The following C5orf63 variants were observed in gnomAD, a reference collection of about 807,000 sequenced individuals.
The protein encoded by C5orf63 is chromosome 5 open reading frame 63.
A neutral mutation model predicts 13.3 loss-of-function variants in C5orf63; 18 were observed. The ratio of observed to expected loss-of-function variants is 1.36; its 90% CI spans 0.94 to 2.01. The LOEUF (loss-of-function observed/expected upper bound fraction) is 2.01. C5orf63 is among the 30% of genes most tolerant of loss of function. C5orf63 has a pLI of 0.00. For missense variants in C5orf63, 118 were observed against 127.7 expected (o/e 0.92, Z 0.36); for synonymous variants, 38 against 44.7 (o/e 0.85, Z 0.60).
chr5:127,058,007 C>T (rs1331827814), intron 3 of C5orf63, among the ~76,000 whole-genome samples: 1 of 152,022 alleles, frequency 6.6e-6, no homozygotes. Flanking sequence ...GTTAATGAAT[C>T]AACAATATAT....
downstream of C5orf63, chr5:127,047,848 G>A (rs1324774663): frequency 1.4e-6 from 1 of 703,858 alleles, no homozygotes; most frequent in East Asian, 2.7e-5. Flanking sequence ...AGCCATGTGG[G>A]GGTGGGAAGG....
At chr5:127,064,606 C>T (rs1172907651) in intron 2 of C5orf63, among the ~76,000 whole-genome samples, 1 of 152,212 alleles carries the variant, frequency 6.6e-6, no homozygotes, top group African/African-American at 2.4e-5. Flanking sequence ...CCTCATACCA[C>T]TCCCTCTATG....
chr5:127,055,749 A>G (rs1158761608), intron 3 of C5orf63, among the ~76,000 whole-genome samples: 2 of 152,232 alleles, frequency 1.3e-5, no homozygotes, highest in Non-Finnish European at 2.9e-5. Flanking sequence ...AACCAAGAGC[A>G]TGCTAAATTA....
intron 3 of C5orf63, among the ~76,000 whole-genome samples, chr5:127,056,243 C>T (rs1007630370): frequency 1.3e-5 from 2 of 152,156 alleles, no homozygotes; most frequent in Non-Finnish European, 2.9e-5. Context: ...AGCTATAAGG[C>T]TTTTGCTGGA....
intron 2 of C5orf63, among the ~76,000 whole-genome samples, chr5:127,070,786 T>C (rs1051678923): frequency 3.3e-5 from 5 of 152,150 alleles, no homozygotes; most frequent in Admixed American, 2.6e-4. Flanking sequence ...CTGGAGAAAG[T>C]GTGGAGACAG....
chr5:127,064,163 C>T (rs1754230581), intron 2 of C5orf63, among the ~76,000 whole-genome samples: 2 of 152,024 alleles, frequency 1.3e-5, no homozygotes, highest in South Asian at 4.2e-4. Context: ...CTCGTGGAGC[C>T]AAGAGTGACA....
At chr5:127,063,005 CT>C (rs75165297) in intron 2 of C5orf63, among the ~76,000 whole-genome samples, 14,719 of 150,302 alleles carry the variant, frequency 0.098, 1,113 homozygotes, top group African/African-American at 0.22. Context: ...TTGTCACAGA[CT>C]TAAAAAAAAA....
At chr5:127,055,876 A>G (rs1056861887) in intron 3 of C5orf63, among the ~76,000 whole-genome samples, 3 of 152,166 alleles carry the variant, frequency 2.0e-5, no homozygotes, top group Non-Finnish European at 2.9e-5. Flanking sequence ...AGTCTATGCA[A>G]ATTATACCTG....
chr5:127,062,203 T>A (rs1182755149), intron 2 of C5orf63, among the ~76,000 whole-genome samples: 1 of 152,186 alleles, frequency 6.6e-6, no homozygotes, highest in Non-Finnish European at 1.5e-5. Context: ...CATTCCAGAT[T>A]TGCTGGAGGA....
At chr5:127,043,648 G>A (rs959862246), downstream of C5orf63, 1 of 152,186 alleles carries the variant, frequency 6.6e-6, no homozygotes, top group African/African-American at 2.4e-5. Context: ...ACAGGGTAAG[G>A]TGGAGTGAAA....
At chr5:127,054,345 C>T (rs1297391054) in intron 3 of C5orf63, among the ~76,000 whole-genome samples, 1 of 152,158 alleles carries the variant, frequency 6.6e-6, no homozygotes, top group Non-Finnish European at 1.5e-5. Context: ...AGTTTGCAGT[C>T]CCACCAACAG....
At chr5:127,049,409 C>G (rs753714212), downstream of C5orf63, among the ~76,000 whole-genome samples, 1 of 152,170 alleles carries the variant, frequency 6.6e-6, no homozygotes, top group Non-Finnish European at 1.5e-5. Flanking sequence ...CCTCCTTACT[C>G]CCAATCCCCA....
chr5:127,053,408 A>G (rs1753759705), intron 3 of C5orf63, among the ~76,000 whole-genome samples: 1 of 151,356 alleles, frequency 6.6e-6, no homozygotes, highest in Admixed American at 6.6e-5. Context: ...TTTTGTTATT[A>G]TACTTTTATT....
At chr5:127,044,244 A>T (rs976841764), downstream of C5orf63, 1 of 152,064 alleles carries the variant, frequency 6.6e-6, no homozygotes, top group Admixed American at 6.6e-5. Flanking sequence ...GATGCCCATG[A>T]CTCTCAATAT....
chr5:127,072,226 T>C (rs942005591), intron 1 of C5orf63: 2 of 152,236 alleles, frequency 1.3e-5, no homozygotes, highest in South Asian at 2.1e-4. Flanking sequence ...ACGCAGGTTA[T>C]TGGGCTACGA....
exon 5 of C5orf63, chr5:127,045,775 T>TA (rs1229539558): frequency 3.9e-5 from 6 of 152,252 alleles, no homozygotes; most frequent in African/African-American, 1.4e-4. Context: ...TTTCCTCTGA[T>TA]ACGATATCTT....
chr5:127,050,785 A>T (rs1249195907), downstream of C5orf63, among the ~76,000 whole-genome samples: 1 of 152,204 alleles, frequency 6.6e-6, no homozygotes, highest in African/African-American at 2.4e-5. Flanking sequence ...GACTCACAAT[A>T]TCCAAATTCA....
chr5:127,072,220 A>G (rs181405457), intron 1 of C5orf63: 2 of 152,350 alleles, frequency 1.3e-5, no homozygotes, highest in East Asian at 3.9e-4. Flanking sequence ...AGCAGGACGC[A>G]GGTTATTGGG....
chr5:127,067,489 A>T (rs1183360750), intron 2 of C5orf63, among the ~76,000 whole-genome samples: 1 of 152,212 alleles, frequency 6.6e-6, no homozygotes, highest in East Asian at 1.9e-4. Flanking sequence ...TGACTGTTTA[A>T]ATATTCAACA....
Sources: allele counts gnomAD v4.1 joint callset (sites outside exome capture counted in the v4.1 genomes callset), GRCh38; gene constraint gnomAD v4.1.1; transcripts MANE v1.5; gene names NCBI Gene and HGNC (gene_info 2026-07-23, HGNC 2026-07-21).